DNAI1: variants seen among roughly 807,000 people sequenced by gnomAD.
The protein encoded by DNAI1 is dynein axonemal intermediate chain 1.
DNAI1 carries 67 observed loss-of-function variants against 92.0 expected under a neutral mutation model. The ratio of observed to expected loss-of-function variants is 0.73; its 90% CI spans 0.60 to 0.89. The LOEUF (loss-of-function observed/expected upper bound fraction) is 0.89. Ranked by LOEUF, DNAI1 falls within the 40% of genes least tolerant of loss-of-function variation. DNAI1 has a pLI of 0.00. For missense variants in DNAI1, 839 were observed against 866.6 expected (o/e 0.97, Z 0.40); for synonymous variants, 323 against 319.6 (o/e 1.01, Z -0.11).
Position 34,512,042 on chromosome 9 carries a change from G to C in DNAI1, c.1312-67G>C, listed in dbSNP as rs915273408. The stretch of plus-strand genomic sequence containing the variant: ...TCAGATGGGTGCTTGGGGGAGCCCT[G>C]CTCTGCCCACAGCCCTAACTCAACA... On this transcript the variant is annotated intron_variant, in intron 13 of 19. Transcript: ENST00000242317. 4.0e-6 allele frequency: 6 copies of C among 1,512,526 alleles called. No individual in the cohort carries two copies. In the African/African-American group the frequency reaches 8.2e-5, roughly 21 times the overall value. 93.7% of individuals were successfully genotyped at this position (1,512,526 alleles called of 1,614,324 possible).
rs756828891 is a variant in DNAI1 at position 34,490,022 on chromosome 9, G to A, written c.399G>A (p.Glu133=). The change falls in exon 6 of 20, where the codon GAG becomes GAA. Residue 133 remains glutamate (E), a synonymous_variant. Coordinates refer to ENST00000242317, the MANE Select transcript of DNAI1 (RefSeq NM_012144.4). ...CAGTATCCTACCAAGGTTCTCAGGA[G>A]TCTGTCAAGGTGATTTCAGAAACAG... ...YRDELVAGSQ[E]SVKVISETGN... is the part of the protein sequence containing the mutation. 10 of 1,614,042 alleles carry A rather than the reference G, an allele frequency of 6.2e-6. No individual in the cohort carries two copies. In the African/African-American group the frequency reaches 1.3e-4, roughly 22 times the overall value.
At chr9:34,464,947 A>C (rs1004452209) in intron 1 of DNAI1, among the ~76,000 whole-genome samples, 1 of 152,242 alleles carries the variant, frequency 6.6e-6, no homozygotes, top group Non-Finnish European at 1.5e-5. Context: ...AATAAGAAGG[A>C]GTAATCAGAG....
At chr9:34,464,547 A>G (rs1824003181) in intron 1 of DNAI1, among the ~76,000 whole-genome samples, 1 of 150,238 alleles carries the variant, frequency 6.7e-6, no homozygotes, top group Non-Finnish European at 1.5e-5. Context: ...TATGGAAGGT[A>G]GGGTAAGTTT....
chr9:34,501,113 A>T (rs758720135), intron 11 of DNAI1, 25 bp from the exon 12 acceptor site: 4 of 1,604,924 alleles, frequency 2.5e-6, no homozygotes, highest in Non-Finnish European at 3.4e-6. Context: ...TTCCTATGCC[A>T]ATGGATTCAT....
At chr9:34,492,872 G>A (rs2132064955) in intron 8 of DNAI1, among the ~76,000 whole-genome samples, 1 of 151,958 alleles carries the variant, frequency 6.6e-6, no homozygotes, top group Middle Eastern at 3.4e-3. Context: ...AACAAAAATG[G>A]GAACTAGCCT....
Position 34,472,256 on chromosome 9 carries a change from TATTTTTCTCCCC to T in DNAI1, c.49-11191_49-11180del, listed in dbSNP as rs1278816756. On this transcript the variant is annotated intron_variant, in intron 1 of 19. Transcript: ENST00000242317. ...AGCAATTCTATGAGGAGGGCACTAA[TATTTTTCTCCCC>T]CTTACAGATGCAGAAATGAAGTTTA... Among the ~76,000 whole-genome samples, 11 of 152,364 alleles carry T rather than the reference TATTTTTCTCCCC, an allele frequency of 7.2e-5. No homozygotes were observed. The East Asian group carries it at 2.1e-3, about 29-fold the overall frequency.
In DNAI1 at chr9:34,520,704, C is replaced by A. The variant is rs535760702; in HGVS notation, c.2048C>A (p.Ala683Glu). Reference sequence around the variant, plus strand: ...CAGAAGGGTCCAGCTGTGGAGATTGCGAAACTGGACAAACTGCTGAACCTG... The same window carrying A: ...CAGAAGGGTCCAGCTGTGGAGATTGAGAAACTGGACAAACTGCTGAACCTG... ...EVQKGPAVEI[A>E]KLDKLLNLVR... Residue 683 changes from alanine (A) to glutamate (E), a missense_variant, in exon 20 of 20, where the codon GCG becomes GAG. Transcript: ENST00000242317. 6.4e-7 allele frequency: 1 copy of A among 1,551,606 alleles called. No homozygotes were observed. Among genetic ancestry groups the A allele is most frequent in the East Asian group, 2.4e-5 (1 of 40,926 alleles).
intron 1 of DNAI1, among the ~76,000 whole-genome samples, chr9:34,474,573 T>TC (rs1173110455): frequency 7.1e-6 from 1 of 141,518 alleles, no homozygotes; most frequent in Non-Finnish European, 1.5e-5. Flanking sequence ...TTTCCTTTTT[T>TC]TTTTTTTTTT....
intron 12 of DNAI1, 103 bp downstream of exon 12, chr9:34,501,284 C>A: frequency 2.0e-6 from 2 of 1,000,628 alleles, no homozygotes; most frequent in Non-Finnish European, 3.2e-6. Flanking sequence ...ACAAAGATGA[C>A]TGCCCGCAGG....
At chr9:34,507,420 A>G (rs1016929582) in intron 13 of DNAI1, among the ~76,000 whole-genome samples, 1 of 152,232 alleles carries the variant, frequency 6.6e-6, no homozygotes, top group Non-Finnish European at 1.5e-5. Context: ...AAAATATGTT[A>G]TTAGGAAAAT....
At chr9:34,507,354 G>T (rs1416741023) in intron 13 of DNAI1, among the ~76,000 whole-genome samples, 1 of 152,164 alleles carries the variant, frequency 6.6e-6, no homozygotes, top group Non-Finnish European at 1.5e-5. Context: ...CACATATATT[G>T]TGTGTTATGT....
intron 8 of DNAI1, among the ~76,000 whole-genome samples, chr9:34,492,499 T>TAGATATAG (rs1564033892): frequency 4.3e-4 from 18 of 42,072 alleles, no homozygotes; most frequent in African/African-American, 1.8e-3. Flanking sequence ...TGAAGATATA[T>TAGATATAG]ATATATATAT....
chr9:34,461,484 C>T (rs941748453), intron 1 of DNAI1, among the ~76,000 whole-genome samples: 1 of 152,182 alleles, frequency 6.6e-6, no homozygotes, highest in Admixed American at 6.5e-5. Flanking sequence ...CCTAGGTAAC[C>T]ACAGATCTGC....
intron 1 of DNAI1, among the ~76,000 whole-genome samples, chr9:34,473,519 T>C (rs1824179638): frequency 6.6e-6 from 1 of 152,148 alleles, no homozygotes; most frequent in South Asian, 2.1e-4. Flanking sequence ...TTCGAGCTCC[T>C]GACTTCAGGT....
intron 12 of DNAI1, 152 bp from the exon 13 acceptor site, chr9:34,506,475 G>T: frequency 9.6e-7 from 1 of 1,039,378 alleles, no homozygotes; most frequent in Non-Finnish European, 1.4e-6. Context: ...CCACTTCACA[G>T]ATGGAAAAGA....
At chr9:34,476,257 G>A (rs542428958) in intron 1 of DNAI1, among the ~76,000 whole-genome samples, 1 of 152,176 alleles carries the variant, frequency 6.6e-6, no homozygotes, top group East Asian at 1.9e-4. Context: ...CCCTAACCCC[G>A]CTGCAGATAG....
intron 19 of DNAI1, among the ~76,000 whole-genome samples, chr9:34,518,069 A>G (rs749917580): frequency 5.3e-4 from 80 of 152,198 alleles, no homozygotes; most frequent in Non-Finnish European, 8.7e-4. Context: ...TAAAGTCTAG[A>G]TCTGAGTCCA....
At chr9:34,519,039 G>A (rs1201493142) in intron 19 of DNAI1, among the ~76,000 whole-genome samples, 2 of 152,228 alleles carry the variant, frequency 1.3e-5, no homozygotes, top group East Asian at 1.9e-4. Context: ...GAGCTGGGCT[G>A]TGTGTATCTG....
intron 5 of DNAI1, 101 bp from the exon 6 acceptor site, chr9:34,489,911 C>T: frequency 1.3e-6 from 2 of 1,541,306 alleles, no homozygotes; most frequent in South Asian, 1.2e-5. Flanking sequence ...CCATGACACT[C>T]AGGCCAAGGA....
Sources: gnomAD v4.1 joint callset for allele counts (sites outside exome capture counted in the v4.1 genomes callset) on GRCh38, gnomAD v4.1.1 for gene constraint, MANE v1.5 for transcripts, NCBI Gene and HGNC (gene_info 2026-07-23, HGNC 2026-07-21) for gene names.